ZNF536: variants seen among roughly 807,000 people sequenced by gnomAD.
The protein encoded by ZNF536 is zinc finger protein 536.
ZNF536 carries 13 observed loss-of-function variants against 84.5 expected under a neutral mutation model. That is an observed-to-expected ratio of 0.15 (90% confidence interval 0.10 to 0.24). ZNF536 has a LOEUF of 0.24. Ranked by LOEUF, ZNF536 falls within the 10% of genes least tolerant of loss-of-function variation. The pLI is 1.00. For synonymous variants in ZNF536, 811 were observed against 742.5 expected (o/e 1.09, Z -1.50); for missense variants, 1,536 against 1,747.5 (o/e 0.88, Z 2.16).
At chr19:30,566,043 C>T (rs977952964) in intron 1 of ZNF536, among the ~76,000 whole-genome samples, 1 of 152,156 alleles carries the variant, frequency 6.6e-6, no homozygotes, top group African/African-American at 2.4e-5. Context: ...TCCCAGGTCA[C>T]GCTTGGATGC....
At chr19:30,286,590 AAG>A (rs1048987471) in intron 2 of ZNF536, among the ~76,000 whole-genome samples, 10 of 135,882 alleles carry the variant, frequency 7.4e-5, no homozygotes, top group African/African-American at 1.6e-4. Flanking sequence ...CAGAGAGAGA[AAG>A]AGAGAGAGAA....
chr19:30,341,322 A>T (rs1420165940), intron 2 of ZNF536, among the ~76,000 whole-genome samples: 2 of 152,272 alleles, frequency 1.3e-5, no homozygotes, highest in Non-Finnish European at 2.9e-5. Flanking sequence ...GAAGTAACTT[A>T]TGAGTCTCAA....
At chr19:30,586,170 A>G (rs1247950058) in intron 1 of ZNF536, among the ~76,000 whole-genome samples, 1 of 152,218 alleles carries the variant, frequency 6.6e-6, no homozygotes, top group Non-Finnish European at 1.5e-5. Context: ...CTAGCTGACA[A>G]CAACTTCTCT....
chr19:30,395,710 T>G (rs960166685), intron 1 of ZNF536, among the ~76,000 whole-genome samples: 4 of 152,260 alleles, frequency 2.6e-5, no homozygotes, highest in African/African-American at 9.6e-5. Context: ...AGATCTACCT[T>G]TCTCCATAAT....
chr19:30,709,978 GA>G (rs2052398315), intron 1 of ZNF536, among the ~76,000 whole-genome samples: 2 of 151,880 alleles, frequency 1.3e-5, no homozygotes, highest in Admixed American at 6.6e-5. Flanking sequence ...TAATGTTTAG[GA>G]AAAAAACTCA....
At chr19:30,618,808 T>C (rs1179544611) in intron 1 of ZNF536, among the ~76,000 whole-genome samples, 1 of 152,132 alleles carries the variant, frequency 6.6e-6, no homozygotes, top group Non-Finnish European at 1.5e-5. Context: ...TTTTTTTTCC[T>C]TGAAATCTAA....
intron 1 of ZNF536, among the ~76,000 whole-genome samples, chr19:30,581,945 C>G: frequency 6.6e-6 from 1 of 152,034 alleles, no homozygotes; most frequent in Middle Eastern, 3.4e-3. Context: ...CTGTGTAAAA[C>G]AAAACAAAAA....
intron 1 of ZNF536, among the ~76,000 whole-genome samples, chr19:30,635,994 G>C (rs769582498): frequency 1.8e-4 from 28 of 152,230 alleles, no homozygotes; most frequent in Non-Finnish European, 1.5e-5. Context: ...GCTGTGCAAG[G>C]TGCCAGTGGC....
chr19:30,333,684 C>T (rs1427097302), intron 2 of ZNF536, among the ~76,000 whole-genome samples: 1 of 152,144 alleles, frequency 6.6e-6, no homozygotes, highest in African/African-American at 2.4e-5. Flanking sequence ...ACCTTGAGCC[C>T]TACCTGCAAA....
At chr19:30,660,472 A>G (rs1414751634) in intron 1 of ZNF536, among the ~76,000 whole-genome samples, 1 of 152,090 alleles carries the variant, frequency 6.6e-6, no homozygotes, top group Admixed American at 6.6e-5. Context: ...ATTTCCGGGG[A>G]CTCTGCTGTT....
At chr19:30,692,417 A>G in intron 1 of ZNF536, among the ~76,000 whole-genome samples, 1 of 152,234 alleles carries the variant, frequency 6.6e-6, no homozygotes. Flanking sequence ...TCGCTCTGGC[A>G]TCAGATGGAA....
rs187658955 is a variant in ZNF536 at position 30,482,514 on chromosome 19, A to G, written c.2170+36782A>G. Among the ~76,000 whole-genome samples the G allele has an allele frequency of 6.0e-5, 9 of 150,776 alleles. No individual in the cohort carries two copies. In the East Asian group the frequency reaches 1.8e-3, roughly 29 times the overall value. On this transcript the variant is annotated intron_variant, in intron 2 of 4. Transcript: ENST00000355537. ...CACCTAGGATTTTGAGAACTCTAAG[A>G]CAAACATAATTGTAGTTGTCCAAGA...
intron 1 of ZNF536, among the ~76,000 whole-genome samples, chr19:30,656,908 C>T (rs1237576779): frequency 6.6e-6 from 1 of 152,190 alleles, no homozygotes; most frequent in African/African-American, 2.4e-5. Context: ...AATTGAGAAC[C>T]TGCTTTGAAG....
chr19:30,359,688 C>T (rs1244859616), intron 3 of ZNF536, among the ~76,000 whole-genome samples: 3 of 151,678 alleles, frequency 2.0e-5, no homozygotes, highest in Admixed American at 6.5e-5. Flanking sequence ...GGCAGTTGGA[C>T]GACCCCTCCC....
intron 2 of ZNF536, among the ~76,000 whole-genome samples, chr19:30,516,478 A>G (rs1312554729): frequency 6.6e-6 from 1 of 152,240 alleles, no homozygotes; most frequent in Non-Finnish European, 1.5e-5. Flanking sequence ...CAGAAAGTCT[A>G]AAGTGTTTTC....
At chr19:30,370,416 C>T (rs1044634482), upstream of ZNF536, among the ~76,000 whole-genome samples, 2 of 152,114 alleles carry the variant, frequency 1.3e-5, no homozygotes, top group African/African-American at 4.8e-5. Flanking sequence ...AACCAATGCG[C>T]CATAAACATT....
chr19:30,651,179 C>G (rs78137993), intron 1 of ZNF536, among the ~76,000 whole-genome samples: 8,924 of 152,166 alleles, frequency 0.059, 361 homozygotes, highest in Non-Finnish European at 0.087. Flanking sequence ...TCCTGGAGGG[C>G]GGGCGCCCAC....
chr19:30,388,091 C>T (rs1306785587), intron 1 of ZNF536, among the ~76,000 whole-genome samples: 3 of 152,144 alleles, frequency 2.0e-5, no homozygotes, highest in Non-Finnish European at 2.9e-5. Context: ...CTGATTTGGC[C>T]AGGATATAAG....
At chr19:30,601,636 G>A (rs1196297401) in intron 1 of ZNF536, among the ~76,000 whole-genome samples, 1 of 152,114 alleles carries the variant, frequency 6.6e-6, no homozygotes, top group Admixed American at 6.5e-5. Flanking sequence ...ACACTTCCTG[G>A]GGCCCATCTC....
Sources: allele counts gnomAD v4.1 joint callset (sites outside exome capture counted in the v4.1 genomes callset), GRCh38; gene constraint gnomAD v4.1.1; transcripts MANE v1.5; gene names NCBI Gene and HGNC (gene_info 2026-07-23, HGNC 2026-07-21).